The following MLXIPL variants were observed in gnomAD, a reference collection of about 807,000 sequenced individuals.
MLXIPL encodes carbohydrate-responsive element-binding protein.
MLXIPL carries 49 observed loss-of-function variants against 81.5 expected under a neutral mutation model. The ratio of observed to expected loss-of-function variants is 0.60; its 90% CI spans 0.48 to 0.76. The LOEUF (loss-of-function observed/expected upper bound fraction) is 0.76. Among genes scored for constraint, MLXIPL ranks in the 30% least tolerant of loss-of-function variants. MLXIPL has a pLI of 0.00. For missense variants in MLXIPL, 1,053 were observed against 1,167.0 expected (o/e 0.90, Z 1.42); for synonymous variants, 466 against 485.5 (o/e 0.96, Z 0.53).
intron 1 of MLXIPL, among the ~76,000 whole-genome samples, chr7:73,620,532 A>G (rs1554601717): frequency 1.4e-5 from 2 of 146,014 alleles, no homozygotes; most frequent in Admixed American, 7.0e-5. Flanking sequence ...CAAGGTCAGG[A>G]GTTCAAGACC....
chr7:73,624,733 AGC>A (rs1796628498), upstream of MLXIPL, among the ~76,000 whole-genome samples: 1 of 152,062 alleles, frequency 6.6e-6, no homozygotes, highest in Admixed American at 6.6e-5. Flanking sequence ...GTCCTGATAG[AGC>A]CGCCCCTACT....
At chr7:73,619,455 C>T (rs1162842902) in intron 1 of MLXIPL, among the ~76,000 whole-genome samples, 1 of 143,284 alleles carries the variant, frequency 7.0e-6, no homozygotes, top group Non-Finnish European at 1.5e-5. Context: ...AGAGCGACTC[C>T]ATCTCAAAAA....
Position 73,607,066 on chromosome 7 carries a change from C to T in MLXIPL, c.574-48G>A, listed in dbSNP as rs377608549. 111 of 1,600,538 alleles carry T rather than the reference C, an allele frequency of 6.9e-5. No homozygotes were observed. The African/African-American group carries it at 1.4e-3, about 21-fold the overall frequency. On this transcript the variant is annotated intron_variant, in intron 4 of 16. Coordinates refer to ENST00000313375, the MANE Select transcript of MLXIPL (RefSeq NM_032951.3). ...ACACCGGATCCCTTGCCCCATCCTC[C>T]ATCACTTTCCCCCCAAAGTCTCCTC... is the stretch of plus-strand genomic sequence containing the variant.
Position 73,615,602 on chromosome 7 carries a change from G to A in MLXIPL, c.400+469C>T, listed in dbSNP as rs1330144548. Among the ~76,000 whole-genome samples, 4 of 151,950 alleles carry A rather than the reference G, an allele frequency of 2.6e-5. No individual in the cohort carries two copies. The East Asian group carries it at 7.8e-4, about 29-fold the overall frequency. On this transcript the variant is annotated intron_variant, in intron 2 of 16. Transcript: ENST00000313375. Reference sequence around the variant, plus strand: ...GAGCTATTCAGGAGTCCTGGTGCTGGGGGCCTGGTCTCCCCCTAAAAGGCT... The same window carrying A: ...GAGCTATTCAGGAGTCCTGGTGCTGAGGGCCTGGTCTCCCCCTAAAAGGCT...
At chr7:73,607,917 C>T (rs1463828462) in intron 2 of MLXIPL, among the ~76,000 whole-genome samples, 4 of 137,910 alleles carry the variant, frequency 2.9e-5, no homozygotes, top group South Asian at 4.6e-4. Flanking sequence ...AGTGCAATGG[C>T]GTGATCTTGG....
At chr7:73,645,667 C>T in the MLXIPL span, among the ~76,000 whole-genome samples, 1 of 152,202 alleles carries the variant, frequency 6.6e-6, no homozygotes, top group Non-Finnish European at 1.5e-5. Flanking sequence ...CTCTGCTCAA[C>T]AGTCCAGGCG....
chr7:73,596,397 G>A lies in MLXIPL; in HGVS notation c.1905C>T (p.Pro635=), dbSNP rs782502971. 3 of 1,613,076 alleles carry A rather than the reference G, an allele frequency of 1.9e-6. No individual in the cohort carries two copies. The highest frequency in any genetic ancestry group is 2.2e-5 in the South Asian group (2 of 91,070). ...TLSVRVSPPQ[P]ILSRGRPDSN... ...TGTCTGGACGGCCCCGGCTGAGGAT[G>A]GGTTGCGGGGGAGAGACACGGACGC... The change falls in exon 12 of 17, where the codon CCC becomes CCT. Residue 635 remains proline (P), a synonymous_variant. Transcript: ENST00000313375. This position sits in a 1 kb window ranked among gnomAD's most constrained non-coding sequence, Gnocchi z 4.7.
chr7:73,605,539 C>A (rs564632606), intron 7 of MLXIPL, 149 bp downstream of exon 7: 130 of 719,158 alleles, frequency 1.8e-4, no homozygotes, highest in Non-Finnish European at 2.8e-4. Context: ...GAGTGAGATG[C>A]CATCTCAAAA....
In MLXIPL at chr7:73,597,522, G is replaced by A; in HGVS notation, c.1263C>T (p.Pro421=). Residue 421 remains proline (P), a synonymous_variant, in exon 9 of 17, where the codon CCC becomes CCT. Coordinates refer to ENST00000313375, the MANE Select transcript of MLXIPL (RefSeq NM_032951.3). Reference sequence around the variant, plus strand: ...GAGGCTCTTCCTGCAGCAAAGCAGTGGGTGGTGCCATGGGAGGGAAGGGAG... The same window carrying A: ...GAGGCTCTTCCTGCAGCAAAGCAGTAGGTGGTGCCATGGGAGGGAAGGGAG... ...PPPPFPPMAP[P]TALLQEEPLF... is the part of the protein sequence containing the mutation. 7.2e-7 allele frequency: 1 copy of A among 1,397,492 alleles called. No individual in the cohort carries two copies. The highest frequency in any genetic ancestry group is 1.5e-5 in the African/African-American group (1 of 68,260). The allele number at this position is 1,397,492 out of a possible 1,614,324, so 86.6% of individuals were successfully genotyped here. A position where few individuals can be genotyped will look rare whatever the true frequency, so the allele number is the denominator to read the frequency against.
chr7:73,647,147 G>A, the MLXIPL span, among the ~76,000 whole-genome samples: 4 of 152,188 alleles, frequency 2.6e-5, no homozygotes, highest in African/African-American at 9.6e-5. Flanking sequence ...GGTGGGGGCA[G>A]GGTGGCTGGG....
In MLXIPL at chr7:73,607,008, G is replaced by A; in HGVS notation, c.584C>T (p.Pro195Leu). The A allele has an allele frequency of 1.2e-6, 2 of 1,613,688 alleles. No individual in the cohort carries two copies. The highest frequency in any genetic ancestry group is 1.7e-5 in the Admixed American group (1 of 59,932). The change falls in exon 5 of 17, where the codon CCC becomes CTC. Residue 195 changes from proline (P) to leucine (L), a missense_variant. Pro to Leu is a moderately conservative substitution (Grantham distance 98). This residue lies in a region of MLXIPL where 823 missense variants were observed against 933.0 expected (regional missense o/e 0.88). Transcript: ENST00000313375. ...RIYYKKRLRK[P>L]SREDDLLAPK... ...GGCCAGGAGGTCATCTTCCCTGCTG[G>A]GCTTACGGAGCTGCAGGGACACACA...
At chr7:73,610,422 G>C (rs115554237) in intron 2 of MLXIPL, 6,844 of 143,088 alleles carry the variant, frequency 0.048, 582 homozygotes, top group African/African-American at 0.16. Flanking sequence ...TTCCAAACCC[G>C]TCCCCCTCCT....
chr7:73,635,894 T>G, the MLXIPL span, among the ~76,000 whole-genome samples: 1 of 152,180 alleles, frequency 6.6e-6, no homozygotes, highest in Non-Finnish European at 1.5e-5. Flanking sequence ...GCTGATGTCA[T>G]GCCCTCTGTT....
At chr7:73,634,486 G>T in the MLXIPL span, among the ~76,000 whole-genome samples, 246 of 152,142 alleles carry the variant, frequency 1.6e-3, no homozygotes, top group African/African-American at 5.7e-3. Flanking sequence ...CCACCTTCCA[G>T]GTTCAAGCAA....
the MLXIPL span, among the ~76,000 whole-genome samples, chr7:73,635,385 C>T: frequency 6.6e-6 from 1 of 152,052 alleles, no homozygotes; most frequent in Non-Finnish European, 1.5e-5. Flanking sequence ...ATTCATCTGT[C>T]CATCTAGTTA....
intron 7 of MLXIPL, among the ~76,000 whole-genome samples, chr7:73,600,721 G>A (rs1277036010): frequency 2.4e-5 from 3 of 122,586 alleles, no homozygotes; most frequent in Admixed American, 1.6e-4. Context: ...TGGGCTCTGA[G>A]TGGGGTGGGG....
chr7:73,613,658 G>A lies in MLXIPL; in HGVS notation c.400+2413C>T, dbSNP rs542294701. Among the ~76,000 whole-genome samples the A allele has an allele frequency of 9.9e-5, 15 of 152,274 alleles. No individual in the cohort carries two copies. The South Asian group carries it at 3.1e-3, about 32-fold the overall frequency. On this transcript the variant is annotated intron_variant, in intron 2 of 16. Coordinates refer to ENST00000313375, the MANE Select transcript of MLXIPL (RefSeq NM_032951.3). ...TCATTCCCATTTTCACAAATAGCAAGCTTCGACTCCGGGAGGCTAGAGAAT... is the reference window on the plus strand; with the variant it reads ...TCATTCCCATTTTCACAAATAGCAAACTTCGACTCCGGGAGGCTAGAGAAT...
At chr7:73,634,479 C>T in the MLXIPL span, among the ~76,000 whole-genome samples, 1 of 151,952 alleles carries the variant, frequency 6.6e-6, no homozygotes, top group Non-Finnish European at 1.5e-5. Flanking sequence ...GCAACTGCCA[C>T]CTTCCAGGTT....
intron 4 of MLXIPL, 153 bp downstream of exon 4, chr7:73,607,178 C>T (rs1795350771): frequency 8.0e-7 from 1 of 1,252,494 alleles, no homozygotes; most frequent in African/African-American, 1.5e-5. Flanking sequence ...GCTGTGGCCA[C>T]ACGGTGGCGC....
Sources: allele counts gnomAD v4.1 joint callset (sites outside exome capture counted in the v4.1 genomes callset), GRCh38; gene constraint gnomAD v4.1.1; regional missense constraint gnomAD v4.1.1; non-coding constraint Gnocchi (gnomAD v3.1); transcripts MANE v1.5; gene names NCBI Gene and HGNC (gene_info 2026-07-23, HGNC 2026-07-21).